HSDL2: variants seen among roughly 807,000 people sequenced by gnomAD.
HSDL2 encodes hydroxysteroid dehydrogenase-like protein 2.
Under a neutral mutation model 46.3 loss-of-function variants are expected in HSDL2, and 27 were observed. That is an observed-to-expected ratio of 0.58 (90% CI 0.43 to 0.80). HSDL2 has a LOEUF of 0.80. HSDL2 is among the 30% of genes least tolerant of loss of function. The pLI is 0.00. For synonymous variants in HSDL2, 153 were observed against 163.6 expected (o/e 0.94, Z 0.50); for missense variants, 451 against 502.7 (o/e 0.90, Z 0.98).
At chr9:112,448,831 C>T (rs535591548) in intron 8 of HSDL2, among the ~76,000 whole-genome samples, 2 of 152,262 alleles carry the variant, frequency 1.3e-5, no homozygotes, top group African/African-American at 4.8e-5. Flanking sequence ...GCTGGGATTA[C>T]AGGCATGAGC....
At chr9:112,444,633 G>A (rs1404346402) in intron 8 of HSDL2, among the ~76,000 whole-genome samples, 1 of 151,998 alleles carries the variant, frequency 6.6e-6, no homozygotes, top group African/African-American at 2.4e-5. Context: ...AGCTACTTGG[G>A]AGGCTGAAGT....
At chr9:112,408,863 TA>T in intron 3 of HSDL2, 43 bp from the exon 4 acceptor site, 1 of 1,072,058 alleles carries the variant, frequency 9.3e-7, no homozygotes, top group Non-Finnish European at 1.4e-6. Context: ...TTGTGTGTGA[TA>T]AAAAGTCTTT....
intron 6 of HSDL2, among the ~76,000 whole-genome samples, chr9:112,423,613 G>A (rs1006101687): frequency 6.6e-5 from 10 of 151,354 alleles, no homozygotes; most frequent in African/African-American, 2.4e-4. Context: ...CAGGCCAGAA[G>A]TCCCTGAATT....
chr9:112,457,357 C>T (rs1456800896), intron 9 of HSDL2, among the ~76,000 whole-genome samples: 2 of 152,150 alleles, frequency 1.3e-5, no homozygotes, highest in African/African-American at 4.8e-5. Flanking sequence ...ACCAGACGTG[C>T]TGGTTTGAGC....
intron 8 of HSDL2, among the ~76,000 whole-genome samples, chr9:112,447,700 A>T (rs918631243): frequency 9.2e-5 from 14 of 152,212 alleles, no homozygotes; most frequent in African/African-American, 3.4e-4. Flanking sequence ...TATATAAAAA[A>T]TCAAATTGCT....
At chr9:112,454,769 G>A (rs1832976855) in intron 9 of HSDL2, among the ~76,000 whole-genome samples, 1 of 151,986 alleles carries the variant, frequency 6.6e-6, no homozygotes, top group African/African-American at 2.4e-5. Flanking sequence ...GCAGTGGTGG[G>A]ATCTGGGCTC....
intron 8 of HSDL2, among the ~76,000 whole-genome samples, chr9:112,448,546 CTCTCTTTT>C (rs1397101374): frequency 0.029 from 297 of 10,170 alleles, no homozygotes; most frequent in Middle Eastern, 0.042. Context: ...CCTTCTTTCT[CTCTCTTTT>C]TATTTTTTTA....
At position 112,401,032 on chromosome 9, in the gene HSDL2, A is replaced by ACAC; in HGVS notation, c.18-2963_18-2962insCAC. Among the ~76,000 whole-genome samples, 3 of 152,152 alleles carry ACAC rather than the reference A, an allele frequency of 2.0e-5. No homozygotes were observed. The South Asian group carries it at 6.2e-4, about 32-fold the overall frequency. Reference sequence around the variant, plus strand: ...GGACACAATTCAATCAATAACAGGGAGATAAGGCCGGGGTTATCTTCCTGT... The same window carrying ACAC: ...GGACACAATTCAATCAATAACAGGGACACGATAAGGCCGGGGTTATCTTCCTGT... On this transcript the variant is annotated intron_variant, in intron 1 of 10. Coordinates refer to ENST00000398805, the MANE Select transcript of HSDL2 (RefSeq NM_032303.5).
chr9:112,386,969 T>C (rs1056281879), intron 1 of HSDL2, among the ~76,000 whole-genome samples: 1 of 152,116 alleles, frequency 6.6e-6, no homozygotes, highest in African/African-American at 2.4e-5. Flanking sequence ...AAAGAGAAAC[T>C]CTTAAGGTAT....
chr9:112,380,188 G>C lies in HSDL2; in HGVS notation c.17+8G>C. On this transcript the variant is annotated splice_region_variant and intron_variant, in intron 1 of 10. Coordinates refer to ENST00000398805, the MANE Select transcript of HSDL2 (RefSeq NM_032303.5). Reference sequence around the variant, plus strand: ...CATGTTACCCAACACCGGGTAAGGGGGTAGGGGCGGCGCGGGGAGAGACCC... The same window carrying C: ...CATGTTACCCAACACCGGGTAAGGGCGTAGGGGCGGCGCGGGGAGAGACCC... The C allele has an allele frequency of 6.4e-7, 1 of 1,567,846 alleles. No individual in the cohort carries two copies. Among genetic ancestry groups the C allele is most frequent in the South Asian group, 1.2e-5 (1 of 86,462 alleles).
At chr9:112,401,072 A>C (rs1831580219) in intron 1 of HSDL2, among the ~76,000 whole-genome samples, 2 of 152,070 alleles carry the variant, frequency 1.3e-5, no homozygotes, top group South Asian at 4.1e-4. Flanking sequence ...GATTGATAAC[A>C]TCCCTTGCTG....
At chr9:112,387,713 T>C (rs1831247525) in intron 1 of HSDL2, among the ~76,000 whole-genome samples, 1 of 152,156 alleles carries the variant, frequency 6.6e-6, no homozygotes, top group Admixed American at 6.5e-5. Context: ...GGTAACACTA[T>C]GGTTAGATGA....
intron 8 of HSDL2, among the ~76,000 whole-genome samples, chr9:112,446,710 C>G (rs568409745): frequency 6.6e-6 from 1 of 152,228 alleles, no homozygotes; most frequent in South Asian, 2.1e-4. Context: ...TTCCCCTCCC[C>G]ATCCTTGTCA....
intron 5 of HSDL2, among the ~76,000 whole-genome samples, chr9:112,418,186 T>C (rs969720030): frequency 1.3e-5 from 2 of 152,206 alleles, no homozygotes; most frequent in Non-Finnish European, 2.9e-5. Context: ...AGGAGGGAGA[T>C]ATATAAAATG....
intron 10 of HSDL2, among the ~76,000 whole-genome samples, chr9:112,463,064 G>C (rs182889572): frequency 1.3e-5 from 2 of 152,078 alleles, no homozygotes; most frequent in African/African-American, 4.8e-5. Flanking sequence ...GTATTCCATT[G>C]TATGGATATA....
chr9:112,464,699 G>A (rs1833324470), intron 10 of HSDL2, among the ~76,000 whole-genome samples: 2 of 152,060 alleles, frequency 1.3e-5, no homozygotes, highest in Non-Finnish European at 2.9e-5. Flanking sequence ...CAGCTTTATT[G>A]AGATATAATT....
At position 112,403,977 on chromosome 9, in the gene HSDL2, G is replaced by T; in HGVS notation, c.18-18G>T. The T allele has an allele frequency of 6.2e-7, 1 of 1,609,766 alleles. No individual in the cohort carries two copies. The highest frequency in any genetic ancestry group is 1.1e-5 in the South Asian group (1 of 90,582). ...AAACATTGGGTCTTCTAATAAGGTC[G>T]TATTTGTTCTGTTGTAGGAGGCTGG... On this transcript the variant is annotated intron_variant, in intron 1 of 10. Coordinates refer to ENST00000398805, the MANE Select transcript of HSDL2 (RefSeq NM_032303.5).
intron 10 of HSDL2, among the ~76,000 whole-genome samples, chr9:112,462,543 G>A (rs1319093050): frequency 6.6e-6 from 1 of 151,868 alleles, no homozygotes. Context: ...CTGTATGGTG[G>A]AGCAGTATGA....
intron 6 of HSDL2, among the ~76,000 whole-genome samples, chr9:112,431,526 A>G (rs763770994): frequency 6.6e-6 from 1 of 152,096 alleles, no homozygotes; most frequent in East Asian, 1.9e-4. Flanking sequence ...CCCAAATCTC[A>G]TGTCAAAATG....
Sources: allele counts gnomAD v4.1 joint callset (sites outside exome capture counted in the v4.1 genomes callset), GRCh38; gene constraint gnomAD v4.1.1; transcripts MANE v1.5; gene names NCBI Gene and HGNC (gene_info 2026-07-23, HGNC 2026-07-21).